Variants in CRYBA4 observed in about 807,000 individuals in gnomAD.
CRYBA4 encodes beta-crystallin A4.
A neutral mutation model predicts 31.7 loss-of-function variants in CRYBA4; 30 were observed. The observed-to-expected ratio is 0.95, with a 90% CI of 0.71 to 1.28. The LOEUF (loss-of-function observed/expected upper bound fraction) is 1.28. Among genes scored for constraint, CRYBA4 ranks in the 50% most tolerant of loss-of-function variants. The pLI is 0.00. For missense variants in CRYBA4, 225 were observed against 260.7 expected (o/e 0.86, Z 0.94); for synonymous variants, 102 against 102.3 (o/e 1.00, Z 0.02).
chr22:26,627,808 T>C (rs1040566852), intron 4 of CRYBA4, among the ~76,000 whole-genome samples: 2 of 151,930 alleles, frequency 1.3e-5, no homozygotes, highest in Non-Finnish European at 2.9e-5. Flanking sequence ...GCCACCACGC[T>C]TGGCTAATTT....
In CRYBA4 at chr22:26,623,292, G is replaced by T; in HGVS notation, c.98G>T (p.Cys33Phe). Reference protein sequence around the residue: ...QGRRHEFTAECPSVLELGFET... With the variant: ...QGRRHEFTAEFPSVLELGFET... ...CGGCGGCACGAGTTCACGGCCGAGT[G>T]CCCCAGCGTGCTGGAGCTTGGCTTC... is the stretch of plus-strand genomic sequence containing the variant. Residue 33 changes from cysteine to phenylalanine, a missense_variant, in exon 3 of 6, where the codon TGC becomes TTC. By Grantham distance (205) the Cys-to-Phe change is radical. Coordinates refer to ENST00000354760, the MANE Select transcript of CRYBA4 (RefSeq NM_001886.3). 1 of 1,614,060 alleles carries T rather than the reference G, an allele frequency of 6.2e-7. No individual in the cohort carries two copies. Among genetic ancestry groups the T allele is most frequent in the African/African-American group, 1.3e-5 (1 of 75,040 alleles).
chr22:26,602,107 G>A, the CRYBA4 span: 32 of 1,535,544 alleles, frequency 2.1e-5, no homozygotes, highest in Non-Finnish European at 2.7e-5. Flanking sequence ...GGTGTGGAGC[G>A]AGAGAGATGA....
the CRYBA4 span, among the ~76,000 whole-genome samples, chr22:26,602,845 C>T: frequency 3.3e-5 from 5 of 152,066 alleles, no homozygotes; most frequent in East Asian, 1.9e-4. Flanking sequence ...GCCTCTAGGC[C>T]GGGTGCGATG....
At chr22:26,610,163 G>A in the CRYBA4 span, among the ~76,000 whole-genome samples, 6 of 152,096 alleles carry the variant, frequency 3.9e-5, no homozygotes, top group South Asian at 4.1e-4. Context: ...ATTTCAACCC[G>A]CAAGCAGGGA....
At chr22:26,603,808 C>T in the CRYBA4 span, among the ~76,000 whole-genome samples, 13 of 151,734 alleles carry the variant, frequency 8.6e-5, no homozygotes, top group Non-Finnish European at 1.5e-5. Flanking sequence ...CCTGTAGTCC[C>T]AGCTACTCAG....
chr22:26,630,401 C>T lies in CRYBA4; in HGVS notation c.505C>T (p.His169Tyr), dbSNP rs1929890873. The T allele has an allele frequency of 4.3e-6, 7 of 1,614,246 alleles. No homozygotes were observed. Among genetic ancestry groups the T allele is most frequent in the Non-Finnish European group, 5.9e-6 (7 of 1,180,036 alleles). Residue 169 changes from histidine to tyrosine, a missense_variant, in exon 6 of 6, where the codon CAT becomes TAT. Transcript: ENST00000354760. The stretch of plus-strand genomic sequence containing the variant: ...TCAGTATGTGCTGGAATGCGATCAC[C>T]ATTCCGGTGACTACAAACATTTCCG... ...GFQYVLECDH[H>Y]SGDYKHFREW... is the part of the protein sequence containing the mutation.
At chr22:26,620,243 T>G (rs889736593), upstream of CRYBA4, among the ~76,000 whole-genome samples, 4 of 152,220 alleles carry the variant, frequency 2.6e-5, no homozygotes, top group African/African-American at 9.6e-5. Context: ...TAATCATCTT[T>G]CTTATTAGCA....
At chr22:26,603,043 TGAACCCA>T in the CRYBA4 span, among the ~76,000 whole-genome samples, 1 of 145,418 alleles carries the variant, frequency 6.9e-6, no homozygotes, top group Admixed American at 7.2e-5. Flanking sequence ...GAGAATGGCG[TGAACCCA>T]GGAGGCAGAG....
At chr22:26,619,728 G>T (rs551335784), upstream of CRYBA4, among the ~76,000 whole-genome samples, 44 of 152,282 alleles carry the variant, frequency 2.9e-4, no homozygotes, top group African/African-American at 9.4e-4. Context: ...CTGCAAGATG[G>T]GGTAGCCACT....
intron 3 of CRYBA4, among the ~76,000 whole-genome samples, chr22:26,624,131 T>C (rs1048476699): frequency 6.6e-6 from 1 of 152,082 alleles, no homozygotes; most frequent in Non-Finnish European, 1.5e-5. Flanking sequence ...AGCTACCATA[T>C]TGGATAGAAG....
chr22:26,630,316 C>T (rs776240394), intron 5 of CRYBA4, 24 bp from the exon 6 acceptor site: 1 of 1,613,858 alleles, frequency 6.2e-7, no homozygotes, highest in African/African-American at 1.3e-5. Context: ...TGTAGAGTAA[C>T]TGTCTGCCTT....
intron 5 of CRYBA4, among the ~76,000 whole-genome samples, chr22:26,629,882 C>A (rs1157312396): frequency 6.6e-6 from 1 of 152,298 alleles, no homozygotes; most frequent in African/African-American, 2.4e-5. Context: ...TATTTAGGAA[C>A]CCCTTCTTCC....
the CRYBA4 span, among the ~76,000 whole-genome samples, chr22:26,602,831 T>C: frequency 6.6e-6 from 1 of 151,866 alleles, no homozygotes; most frequent in Non-Finnish European, 1.5e-5. Context: ...TAGGTTCAAA[T>C]CCTGCCTCTA....
the CRYBA4 span, among the ~76,000 whole-genome samples, chr22:26,604,108 G>T: frequency 5.8e-4 from 88 of 152,056 alleles, 1 homozygote; most frequent in East Asian, 0.016. Flanking sequence ...AGGCCCAAGG[G>T]TTTGAAGAGC....
chr22:26,627,439 T>C (rs1419226346), intron 4 of CRYBA4, among the ~76,000 whole-genome samples: 12 of 119,168 alleles, frequency 1.0e-4, no homozygotes, highest in African/African-American at 4.0e-4. Context: ...TCTTTCTTTC[T>C]TTCTTTCCTT....
the CRYBA4 span, chr22:26,608,078 C>A: frequency 8.7e-6 from 14 of 1,613,032 alleles, no homozygotes; most frequent in Non-Finnish European, 1.0e-5. Flanking sequence ...TAGAAGCCCC[C>A]ACTCCCTACT....
intron 4 of CRYBA4, among the ~76,000 whole-genome samples, chr22:26,626,086 A>G (rs950928759): frequency 6.6e-5 from 10 of 152,124 alleles, no homozygotes; most frequent in African/African-American, 1.2e-4. Flanking sequence ...CATCTCACCA[A>G]TGAAAACATT....
chr22:26,614,322 C>T, the CRYBA4 span, among the ~76,000 whole-genome samples: 1 of 152,234 alleles, frequency 6.6e-6, no homozygotes, highest in Admixed American at 6.5e-5. Context: ...ACGGAACCTA[C>T]TGACATGTGA....
At chr22:26,608,162 G>T in the CRYBA4 span, 18 of 1,265,628 alleles carry the variant, frequency 1.4e-5, no homozygotes, top group South Asian at 2.2e-4. Context: ...ACATGTCTGG[G>T]TTTGATTTTA....
Sources: allele counts gnomAD v4.1 joint callset (sites outside exome capture counted in the v4.1 genomes callset), GRCh38; gene constraint gnomAD v4.1.1; transcripts MANE v1.5; gene names NCBI Gene and HGNC (gene_info 2026-07-23, HGNC 2026-07-21).